YIPF7: variants seen among roughly 807,000 people sequenced by gnomAD.
YIPF7 encodes protein YIPF7.
In YIPF7, 35 loss-of-function variants were observed where a neutral mutation model predicts 27.2. The ratio of observed to expected loss-of-function variants is 1.29; its 90% confidence interval spans 0.98 to 1.70. The LOEUF (loss-of-function observed/expected upper bound fraction) is 1.70, where lower values mean the gene tolerates loss of function less well. Ranked by LOEUF, YIPF7 falls within the 40% of genes most tolerant of loss-of-function variation. The pLI, the probability that YIPF7 is intolerant of heterozygous loss-of-function variation, is 0.00. For missense variants in YIPF7, 358 were observed against 303.7 expected (o/e 1.18, Z -1.33); for synonymous variants, 137 against 110.4 (o/e 1.24, Z -1.51).
Position 44,622,327 on chromosome 4 carries a change from A to G in YIPF7, c.*87T>C. 1 of 1,461,060 alleles carries G rather than the reference A, an allele frequency of 6.8e-7. No homozygotes were observed. The highest frequency in any genetic ancestry group is 1.4e-5 in the South Asian group (1 of 70,998). 90.5% of individuals were successfully genotyped at this position (1,461,060 alleles called of 1,614,324 possible). A position where few individuals can be genotyped will look rare whatever the true frequency, so the allele number is the denominator to read the frequency against. ...ACTCTCTCAAAAGCAATAAAACAGAAATCATATCACCAAATTTGAATGTTA... is the reference window on the plus strand; with the variant it reads ...ACTCTCTCAAAAGCAATAAAACAGAGATCATATCACCAAATTTGAATGTTA... On this transcript the variant is annotated 3_prime_UTR_variant, in exon 6 of 6. Coordinates refer to ENST00000415895, the MANE Select transcript of YIPF7 (RefSeq NM_182592.3).
intron 4 of YIPF7, 38 bp downstream of exon 4, chr4:44,629,365 A>T: frequency 2.6e-6 from 4 of 1,548,328 alleles, no homozygotes; most frequent in Non-Finnish European, 3.5e-6. Flanking sequence ...ACTGGAAAGG[A>T]CAAGCATTAA....
intron 3 of YIPF7, among the ~76,000 whole-genome samples, chr4:44,634,415 C>A (rs1417732699): frequency 6.6e-6 from 1 of 152,006 alleles, no homozygotes; most frequent in Non-Finnish European, 1.5e-5. Context: ...CACCTGTAGT[C>A]TCAACTACTC....
exon 2 of YIPF7, chr4:44,660,594 G>A (rs1714020944): frequency 6.6e-6 from 1 of 152,192 alleles, no homozygotes. Context: ...ACAGAAACAA[G>A]TCATTCCTGC....
intron 5 of YIPF7, 120 bp from the exon 6 acceptor site, chr4:44,622,696 A>C (rs1190838170): frequency 8.0e-7 from 1 of 1,249,820 alleles, no homozygotes; most frequent in Non-Finnish European, 1.1e-6. Context: ...TGGTAAAATG[A>C]AAATGATAAA....
chr4:44,654,450 CCT>C (rs1713830400), upstream of YIPF7, among the ~76,000 whole-genome samples: 1 of 151,798 alleles, frequency 6.6e-6, no homozygotes. Context: ...TTCTCTCCCC[CCT>C]CTCTCCTTAC....
At chr4:44,625,733 T>C (rs1045053793) in intron 4 of YIPF7, among the ~76,000 whole-genome samples, 1 of 152,208 alleles carries the variant, frequency 6.6e-6, no homozygotes, top group African/African-American at 2.4e-5. Flanking sequence ...CAGAGAACTA[T>C]TACTTCAGAA....
At chr4:44,654,694 T>C (rs373145011), upstream of YIPF7, among the ~76,000 whole-genome samples, 3 of 152,142 alleles carry the variant, frequency 2.0e-5, no homozygotes, top group South Asian at 2.1e-4. Context: ...CTGCCTTCTC[T>C]ATTTCAAGAA....
intron 2 of YIPF7, among the ~76,000 whole-genome samples, chr4:44,644,189 G>A (rs939951054): frequency 3.3e-4 from 51 of 152,324 alleles, no homozygotes; most frequent in African/African-American, 1.2e-3. Context: ...GCATCAGTGT[G>A]ACCTGGATGT....
At chr4:44,624,021 C>A (rs981772417) in intron 5 of YIPF7, among the ~76,000 whole-genome samples, 4 of 151,140 alleles carry the variant, frequency 2.6e-5, no homozygotes, top group African/African-American at 7.3e-5. Context: ...ATTGAAAAAT[C>A]TGACAACTTA....
chr4:44,658,509 T>C (rs1285852634), intron 2 of YIPF7, among the ~76,000 whole-genome samples: 3 of 152,182 alleles, frequency 2.0e-5, no homozygotes, highest in African/African-American at 7.2e-5. Flanking sequence ...CCCACTACCC[T>C]GTTGTTATAA....
At chr4:44,647,788 G>C (rs191202636) in intron 2 of YIPF7, among the ~76,000 whole-genome samples, 1 of 152,192 alleles carries the variant, frequency 6.6e-6, no homozygotes, top group Non-Finnish European at 1.5e-5. Context: ...TGTAAAAAGA[G>C]AGTCCATTTT....
At chr4:44,645,314 C>CT (rs1713488749) in intron 2 of YIPF7, among the ~76,000 whole-genome samples, 1 of 152,156 alleles carries the variant, frequency 6.6e-6, no homozygotes, top group South Asian at 2.1e-4. Flanking sequence ...CTCTGAATGG[C>CT]TATGCCAATG....
At chr4:44,643,896 A>G (rs1386361684) in intron 2 of YIPF7, among the ~76,000 whole-genome samples, 1 of 152,078 alleles carries the variant, frequency 6.6e-6, no homozygotes, top group Non-Finnish European at 1.5e-5. Context: ...TGGATGTCCA[A>G]GCAGAAGCCT....
intron 3 of YIPF7, among the ~76,000 whole-genome samples, chr4:44,632,328 C>T (rs557944665): frequency 2.0e-5 from 3 of 152,202 alleles, no homozygotes; most frequent in South Asian, 4.1e-4. Context: ...GATACATATG[C>T]TATAAAAGTG....
intron 1 of YIPF7, among the ~76,000 whole-genome samples, chr4:44,661,115 T>C (rs1474581113): frequency 6.6e-6 from 1 of 152,168 alleles, no homozygotes; most frequent in Non-Finnish European, 1.5e-5. Context: ...AACAGAATAG[T>C]TTTCCAACCT....
intron 2 of YIPF7, among the ~76,000 whole-genome samples, chr4:44,648,912 G>A (rs1376515401): frequency 3.9e-5 from 6 of 151,948 alleles, no homozygotes; most frequent in African/African-American, 4.8e-5. Context: ...ATATTTTGCC[G>A]CTATCAAATT....
chr4:44,645,821 C>T (rs1262213674), intron 2 of YIPF7, among the ~76,000 whole-genome samples: 2 of 151,644 alleles, frequency 1.3e-5, no homozygotes, highest in African/African-American at 4.8e-5. Context: ...CAGCAAATTT[C>T]ATTTATAAGT....
chr4:44,649,897 T>A, intron 2 of YIPF7, 88 bp downstream of exon 2: 1 of 738,660 alleles, frequency 1.4e-6, no homozygotes, highest in Non-Finnish European at 2.2e-6. Flanking sequence ...ACTTTCATAA[T>A]AACTACAATA....
chr4:44,661,666 A>G (rs1714043212), intron 1 of YIPF7, among the ~76,000 whole-genome samples: 1 of 152,190 alleles, frequency 6.6e-6, no homozygotes, highest in African/African-American at 2.4e-5. Context: ...ATAATTTTTT[A>G]ATCTTATATA....
Sources: allele counts gnomAD v4.1 joint callset (sites outside exome capture counted in the v4.1 genomes callset), GRCh38; gene constraint gnomAD v4.1.1; transcripts MANE v1.5; gene names NCBI Gene and HGNC (gene_info 2026-07-23, HGNC 2026-07-21).